The following LCMT1 variants were observed in gnomAD, a reference collection of about 807,000 sequenced individuals.
LCMT1 encodes the protein leucine carboxyl methyltransferase 1.
LCMT1 carries 32 observed loss-of-function variants against 47.7 expected under a neutral mutation model. The ratio of observed to expected loss-of-function variants is 0.67; its 90% CI spans 0.51 to 0.90. LCMT1 has a LOEUF of 0.90. Among genes scored for constraint, LCMT1 ranks in the 40% least tolerant of loss-of-function variants. The pLI, the probability that LCMT1 is intolerant of heterozygous loss-of-function variation, is 0.00. For synonymous variants in LCMT1, 152 were observed against 149.7 expected (o/e 1.02, Z -0.11); for missense variants, 375 against 415.2 (o/e 0.90, Z 0.84).
At position 25,154,157 on chromosome 16, in the gene LCMT1, G is replaced by A. The variant is rs138826992; in HGVS notation, c.466+2542G>A. 9.1e-4 allele frequency among the ~76,000 whole-genome samples: 138 copies of A among 151,088 alleles called. 1 individual carries two copies. The highest frequency in any genetic ancestry group is 3.2e-3 in the African/African-American group (133 of 41,214). ...CCCAAACAGCTGGAATTACAGGCAC[G>A]CGCCACCACGCCTGGCTAATTTTTT... is the stretch of plus-strand genomic sequence containing the variant. On this transcript the variant is annotated intron_variant, in intron 5 of 10. Coordinates refer to ENST00000399069, the MANE Select transcript of LCMT1 (RefSeq NM_016309.3).
intron 5 of LCMT1, among the ~76,000 whole-genome samples, chr16:25,153,025 C>T (rs979574973): frequency 1.3e-5 from 2 of 152,040 alleles, no homozygotes; most frequent in South Asian, 4.1e-4. Context: ...CAGGTAACAC[C>T]GTGGGCATCA....
At chr16:25,148,937 C>T (rs990919703) in intron 4 of LCMT1, 12 of 152,294 alleles carry the variant, frequency 7.9e-5, no homozygotes, top group African/African-American at 2.9e-4. Flanking sequence ...GACTCTGCGG[C>T]TGGCTCTCTG....
At chr16:25,173,476 G>A (rs1474519836) in intron 9 of LCMT1, among the ~76,000 whole-genome samples, 1 of 152,148 alleles carries the variant, frequency 6.6e-6, no homozygotes, top group Non-Finnish European at 1.5e-5. Context: ...ACCAAGACGG[G>A]AATGAACTCA....
At chr16:25,156,684 C>T (rs1198204155) in intron 5 of LCMT1, among the ~76,000 whole-genome samples, 2 of 152,186 alleles carry the variant, frequency 1.3e-5, no homozygotes, top group African/African-American at 2.4e-5. Context: ...ATTTTGGACT[C>T]CATTCTAAAG....
At position 25,111,838 on chromosome 16, in the gene LCMT1, G is replaced by A. The variant is rs753802107; in HGVS notation, c.-46G>A. 3 of 1,366,684 alleles carry A rather than the reference G, an allele frequency of 2.2e-6. No homozygotes were observed. Among genetic ancestry groups the A allele is most frequent in the Non-Finnish European group, 3.1e-6 (3 of 970,182 alleles). The allele number at this position is 1,366,684 out of a possible 1,614,324, so 84.7% of individuals were successfully genotyped here. Reference sequence around the variant, plus strand: ...CCGTCCCCCGCCGCCCGTCGACCCCGCTTCCATGTCCCTGGCGGACACAGC... The same window carrying A: ...CCGTCCCCCGCCGCCCGTCGACCCCACTTCCATGTCCCTGGCGGACACAGC... On this transcript the variant is annotated 5_prime_UTR_variant, in exon 1 of 11. Coordinates refer to ENST00000399069, the MANE Select transcript of LCMT1 (RefSeq NM_016309.3).
At chr16:25,176,715 C>T (rs1210320151) in intron 10 of LCMT1, among the ~76,000 whole-genome samples, 1 of 150,348 alleles carries the variant, frequency 6.7e-6, no homozygotes, top group Non-Finnish European at 1.5e-5. Context: ...GCGTCCACCA[C>T]CATGTCCAGC....
chr16:25,172,239 G>A (rs760960679), intron 9 of LCMT1, among the ~76,000 whole-genome samples: 12 of 151,592 alleles, frequency 7.9e-5, no homozygotes, highest in South Asian at 2.1e-4. Flanking sequence ...CCTGGGAGGC[G>A]GAGGTTGCAG....
rs544178887 is a variant in LCMT1, at chr16:25,140,083, G to T, written c.328-88G>T. The T allele has an allele frequency of 5.1e-5, 47 of 917,998 alleles. No individual in the cohort carries two copies. The African/African-American group carries it at 7.1e-4, about 14-fold the overall frequency. The allele number at this position is 917,998 out of a possible 1,614,324, so 56.9% of individuals were successfully genotyped here. A position where few individuals can be genotyped will look rare whatever the true frequency, so the allele number is the denominator to read the frequency against. On this transcript the variant is annotated intron_variant, in intron 3 of 10. Transcript: ENST00000399069. Reference sequence around the variant, plus strand: ...GATTTAAAAATCCTTAAACACTATTGCTCTTAGGTGCCTAGTGCTTGATAT... The same window carrying T: ...GATTTAAAAATCCTTAAACACTATTTCTCTTAGGTGCCTAGTGCTTGATAT...
chr16:25,128,315 T>C (rs1395179309), intron 1 of LCMT1, among the ~76,000 whole-genome samples, 160 bp from the exon 2 acceptor site: 1 of 152,232 alleles, frequency 6.6e-6, no homozygotes, highest in Admixed American at 6.5e-5. Flanking sequence ...TGGCTGCGTC[T>C]TCGCTTGTGT....
At chr16:25,135,284 A>AAAAAAAAAAAAAAATATAT (rs1555482753) in intron 3 of LCMT1, among the ~76,000 whole-genome samples, 2 of 140,604 alleles carry the variant, frequency 1.4e-5, no homozygotes, top group African/African-American at 5.1e-5. Flanking sequence ...TTTCTTTTAA[A>AAAAAAAAAAAAAAATATAT]ATATATATCT....
At chr16:25,134,356 T>C (rs1960443304) in intron 3 of LCMT1, among the ~76,000 whole-genome samples, 1 of 152,230 alleles carries the variant, frequency 6.6e-6, no homozygotes, top group South Asian at 2.1e-4. Flanking sequence ...GAAGTGTTTT[T>C]ACATATATGA....
At chr16:25,164,294 T>C in intron 6 of LCMT1, among the ~76,000 whole-genome samples, 1 of 152,206 alleles carries the variant, frequency 6.6e-6, no homozygotes, top group Non-Finnish European at 1.5e-5. Context: ...TGCATTGTTA[T>C]GTTGGCGTGG....
intron 8 of LCMT1, 128 bp downstream of exon 8, chr16:25,169,341 C>G: frequency 1.6e-6 from 1 of 631,270 alleles, no homozygotes; most frequent in Non-Finnish European, 2.8e-6. Flanking sequence ...GGCTGCTGAG[C>G]CTCCATGTGG....
At chr16:25,176,011 C>T (rs1597611182) in intron 10 of LCMT1, among the ~76,000 whole-genome samples, 1 of 152,186 alleles carries the variant, frequency 6.6e-6, no homozygotes, top group Admixed American at 6.6e-5. Flanking sequence ...CATCCACTTA[C>T]AACCAGGTTC....
chr16:25,156,774 C>G (rs1382423397), intron 5 of LCMT1, among the ~76,000 whole-genome samples: 1 of 152,178 alleles, frequency 6.6e-6, no homozygotes, highest in Non-Finnish European at 1.5e-5. Context: ...CTTGTTCTCT[C>G]TCTTTCCCAC....
rs180778942 is a variant in LCMT1, at chr16:25,174,990, G to A, written c.938G>A (p.Arg313Gln). The A allele has an allele frequency of 2.5e-5, 41 of 1,611,216 alleles. No homozygotes were observed. Among genetic ancestry groups the A allele is most frequent in the Middle Eastern group, 3.3e-4 (2 of 6,062 alleles). Reference protein sequence around the residue: ...DEMELLEQLMRHYCLCWATKG... With the variant: ...DEMELLEQLMQHYCLCWATKG... ...ATGGAGCTGCTGGAGCAGCTCATGC[G>A]GCATTACTGCCTTTGCTGGGCAACC... The change falls in exon 10 of 11, where the codon CGG becomes CAG. Residue 313 changes from arginine (R) to glutamine (Q), a missense_variant. Coordinates refer to ENST00000399069, the MANE Select transcript of LCMT1 (RefSeq NM_016309.3).
At chr16:25,139,665 G>C (rs954235493) in intron 3 of LCMT1, among the ~76,000 whole-genome samples, 2 of 152,100 alleles carry the variant, frequency 1.3e-5, no homozygotes, top group Admixed American at 6.6e-5. Context: ...TGGAGCTCAA[G>C]CTGCCTTTTT....
chr16:25,132,629 C>T, intron 3 of LCMT1, 106 bp downstream of exon 3: 1 of 1,257,340 alleles, frequency 8.0e-7, no homozygotes, highest in Non-Finnish European at 1.1e-6. Flanking sequence ...GCAGCGAAAG[C>T]CTGTCTCCCA....
At chr16:25,170,633 A>G (rs1175993132) in intron 8 of LCMT1, 81 bp from the exon 9 acceptor site, 1 of 1,133,528 alleles carries the variant, frequency 8.8e-7, no homozygotes, top group Non-Finnish European at 1.3e-6. Flanking sequence ...TTGTCTCTTT[A>G]AAACAAAACA....
Sources: gnomAD v4.1 joint callset for allele counts (sites outside exome capture counted in the v4.1 genomes callset) on GRCh38, gnomAD v4.1.1 for gene constraint, MANE v1.5 for transcripts, NCBI Gene and HGNC (gene_info 2026-07-23, HGNC 2026-07-21) for gene names.